TRAF6: variants seen among roughly 807,000 people sequenced by gnomAD.
TRAF6 encodes the protein TNF receptor associated factor 6, also known as TNF receptor-associated factor 6.
TRAF6 carries 10 observed loss-of-function variants against 48.4 expected under a neutral mutation model. The observed-to-expected ratio is 0.21, with a 90% CI of 0.13 to 0.35. The LOEUF is 0.35. Among genes scored for constraint, TRAF6 ranks in the 10% least tolerant of loss-of-function variants. The pLI is 1.00. For missense variants in TRAF6, 397 were observed against 661.0 expected (o/e 0.60, Z 4.38); for synonymous variants, 186 against 219.6 (o/e 0.85, Z 1.35).
At position 36,486,418 on chromosome 11, in the gene TRAF6, C is replaced by T. The variant is rs1859484648; in HGVS notation, c.*3420G>A. ...GTGTTAGTACATACAAGCAATTGTT[C>T]CTCTGTAAAAATAATGCATTCTAAC... On this transcript the variant is annotated 3_prime_UTR_variant, in exon 7 of 7. Coordinates refer to ENST00000526995, the MANE Select transcript of TRAF6 (RefSeq NM_004620.4). Among the ~76,000 whole-genome samples, 1 of 152,066 alleles carries T rather than the reference C, an allele frequency of 6.6e-6. No homozygotes were observed. The highest frequency in any genetic ancestry group is 6.6e-5 in the Admixed American group (1 of 15,266).
In TRAF6 at chr11:36,490,675, G is replaced by A; in HGVS notation, c.757-25C>T. 6.3e-7 allele frequency: 1 copy of A among 1,587,338 alleles called. No homozygotes were observed. The highest frequency in any genetic ancestry group is 8.6e-7 in the Non-Finnish European group (1 of 1,164,562). On this transcript the variant is annotated intron_variant, in intron 6 of 6. Transcript: ENST00000526995. This position sits in a 1 kb window ranked among gnomAD's most constrained non-coding sequence, Gnocchi z 6.4. ...TCTAAAAATCAAGCACAAGCCTTAG[G>A]CTGGGAATAGATACCGTGAGGAGTA...
intron 1 of TRAF6, among the ~76,000 whole-genome samples, chr11:36,504,964 C>T (rs1412920056): frequency 6.6e-6 from 1 of 152,164 alleles, no homozygotes; most frequent in Non-Finnish European, 1.5e-5. Flanking sequence ...CAGTTCTTGA[C>T]AGTGGGCTTA....
Position 36,501,426 on chromosome 11 carries a change from T to TA in TRAF6, c.89dup (p.Thr31AsnfsTer4). The TA allele has an allele frequency of 6.2e-7, 1 of 1,614,186 alleles. No homozygotes were observed. Among genetic ancestry groups the TA allele is most frequent in the Non-Finnish European group, 8.5e-7 (1 of 1,180,038 alleles). ...TTCCACCCACACTATCATCTTTTGT[T>TA]ACAGCGCTACAGGAGCTGGCCATGG... On this transcript the variant is annotated frameshift_variant, in exon 2 of 7. Transcript: ENST00000526995. LOFTEE classifies it high-confidence loss of function.
chr11:36,503,294 AG>A (rs1859741590), intron 1 of TRAF6, among the ~76,000 whole-genome samples: 1 of 149,062 alleles, frequency 6.7e-6, no homozygotes, highest in Non-Finnish European at 1.5e-5. Context: ...GGTTTACTTA[AG>A]TTTTTTTTTT....
chr11:36,508,585 C>T lies in TRAF6; in HGVS notation c.-23+1463G>A, dbSNP rs139544513. Among the ~76,000 whole-genome samples the T allele has an allele frequency of 6.3e-4, 96 of 152,140 alleles. 1 individual carries two copies. Among genetic ancestry groups the T allele is most frequent in the African/African-American group, 2.2e-3 (90 of 41,500 alleles). On this transcript the variant is annotated intron_variant, in intron 1 of 6. Coordinates refer to ENST00000526995, the MANE Select transcript of TRAF6 (RefSeq NM_004620.4). ...CTTAAATGAGTCAATTTTAAGTCAA[C>T]TGAAATTCATACGAGTAAACATGTA...
rs911542675 is a variant in TRAF6 at position 36,487,865 on chromosome 11, G to C, written c.*1973C>G. 6.6e-6 allele frequency: 1 copy of C among 152,048 alleles called. No individual in the cohort carries two copies. The highest frequency in any genetic ancestry group is 1.9e-4 in the East Asian group (1 of 5,190). The allele number at this position is 152,048 out of a possible 1,614,324, so 9.4% of individuals were successfully genotyped here. A position where few individuals can be genotyped will look rare whatever the true frequency, so the allele number is the denominator to read the frequency against. The stretch of plus-strand genomic sequence containing the variant: ...AAATATCATTTCCTTTTTTGAGCTG[G>C]GGGCGTGGAGATTAAATGTTTTGTG... On this transcript the variant is annotated 3_prime_UTR_variant, in exon 7 of 7. Coordinates refer to ENST00000526995, the MANE Select transcript of TRAF6 (RefSeq NM_004620.4).
rs990455363 is a variant in TRAF6 at position 36,489,072 on chromosome 11, A to G, written c.*766T>C. The G allele has an allele frequency of 2.0e-5, 3 of 152,298 alleles. No homozygotes were observed. The highest frequency in any genetic ancestry group is 1.9e-4 in the East Asian group (1 of 5,208). 9.4% of individuals were successfully genotyped at this position (152,298 alleles called of 1,614,324 possible). ...GAATAGACAAAAAGGGTTACATAGCATAACAATGAGCAGTTGGTATCCACG... is the reference window on the plus strand; with the variant it reads ...GAATAGACAAAAAGGGTTACATAGCGTAACAATGAGCAGTTGGTATCCACG... On this transcript the variant is annotated 3_prime_UTR_variant, in exon 7 of 7. Transcript: ENST00000526995.
At chr11:36,492,498 G>A in intron 6 of TRAF6, 53 bp downstream of exon 6, 6 of 1,368,380 alleles carry the variant, frequency 4.4e-6, no homozygotes, top group Non-Finnish European at 6.1e-6. Flanking sequence ...ACTACATGAT[G>A]TAAATATTTT....
chr11:36,497,831 G>A (rs1411199103), intron 3 of TRAF6, among the ~76,000 whole-genome samples: 1 of 151,354 alleles, frequency 6.6e-6, no homozygotes, highest in Non-Finnish European at 1.5e-5. Context: ...GGGAATTACT[G>A]CTTATTTCAA....
Position 36,489,455 on chromosome 11 carries a change from A to T in TRAF6, c.*383T>A. On this transcript the variant is annotated 3_prime_UTR_variant, in exon 7 of 7. Transcript: ENST00000526995. ...TAATATATTACATATAATACTACAA[A>T]AAGACTGAAGTTTTAAGGAAAATCC... 1 of 194,878 alleles carries T rather than the reference A, an allele frequency of 5.1e-6. No homozygotes were observed. The allele number at this position is 194,878 out of a possible 1,614,324, so 12.1% of individuals were successfully genotyped here.
rs889330426 is a variant in TRAF6, at chr11:36,487,502, G to A, written c.*2336C>T. The A allele has an allele frequency of 6.6e-6, 1 of 152,340 alleles. No homozygotes were observed. Among genetic ancestry groups the A allele is most frequent in the East Asian group, 1.9e-4 (1 of 5,190 alleles). The allele number at this position is 152,340 out of a possible 1,614,324, so 9.4% of individuals were successfully genotyped here. A position where few individuals can be genotyped will look rare whatever the true frequency, so the allele number is the denominator to read the frequency against. On this transcript the variant is annotated 3_prime_UTR_variant, in exon 7 of 7. Coordinates refer to ENST00000526995, the MANE Select transcript of TRAF6 (RefSeq NM_004620.4). Reference sequence around the variant, plus strand: ...TACTTAAGATGTGACCCAGCTGATAGACACTAAATTAGAGGAAAGTATCAG... The same window carrying A: ...TACTTAAGATGTGACCCAGCTGATAAACACTAAATTAGAGGAAAGTATCAG...
intron 2 of TRAF6, 44 bp from the exon 3 acceptor site, chr11:36,498,684 T>G: frequency 6.5e-7 from 1 of 1,545,184 alleles, no homozygotes; most frequent in Non-Finnish European, 8.7e-7. Flanking sequence ...AAGACTCACA[T>G]TAGAAAATCC....
Position 36,490,563 on chromosome 11 carries a change from C to T in TRAF6, c.844G>A (p.Val282Ile), listed in dbSNP as rs376933557. 3.2e-5 allele frequency: 52 copies of T among 1,613,978 alleles called. No homozygotes were observed. The highest frequency in any genetic ancestry group is 8.8e-5 in the South Asian group (8 of 91,088). ...GAGATATACCCAGAGTCGGGTATAACGCTCAAACTATGAACAGCCTGGGCC... is the reference window on the plus strand; with the variant it reads ...GAGATATACCCAGAGTCGGGTATAATGCTCAAACTATGAACAGCCTGGGCC... Reference protein sequence around the residue: ...MLAQAVHSLSVIPDSGYISEV... With the variant: ...MLAQAVHSLSIIPDSGYISEV... The change falls in exon 7 of 7, where the codon GTT becomes ATT. Residue 282 changes from valine to isoleucine, a missense_variant. Coordinates refer to ENST00000526995, the MANE Select transcript of TRAF6 (RefSeq NM_004620.4). The surrounding 1 kb of genome is among the most constrained non-coding windows in gnomAD (Gnocchi z 6.4).
Position 36,495,358 on chromosome 11 carries a change from G to A in TRAF6, c.607-311C>T, listed in dbSNP as rs551387279. ...TCTACTTTGGACATCATCTGCCGAG[G>A]CTATACTTCTCCAAAGGTAATCTTA... On this transcript the variant is annotated intron_variant, in intron 4 of 6. Coordinates refer to ENST00000526995, the MANE Select transcript of TRAF6 (RefSeq NM_004620.4). 9.9e-5 allele frequency among the ~76,000 whole-genome samples: 15 copies of A among 152,268 alleles called. No individual in the cohort carries two copies. The East Asian group carries it at 2.9e-3, about 29-fold the overall frequency.
At chr11:36,504,516 C>G (rs1859760350) in intron 1 of TRAF6, among the ~76,000 whole-genome samples, 1 of 152,186 alleles carries the variant, frequency 6.6e-6, no homozygotes, top group South Asian at 2.1e-4. Flanking sequence ...AATTCTAGTT[C>G]TCTTGCTATT....
At chr11:36,500,389 A>G (rs1223021668) in intron 2 of TRAF6, among the ~76,000 whole-genome samples, 1 of 152,198 alleles carries the variant, frequency 6.6e-6, no homozygotes, top group Non-Finnish European at 1.5e-5. Flanking sequence ...CCAAGGCAGG[A>G]GCATGCCTGA....
intron 1 of TRAF6, 74 bp downstream of exon 1, chr11:36,509,974 G>A (rs1859884337): frequency 6.6e-6 from 1 of 152,398 alleles, no homozygotes; most frequent in Non-Finnish European, 1.5e-5. Context: ...GAGCGAAGGG[G>A]CGGGGGGCGG....
intron 1 of TRAF6, among the ~76,000 whole-genome samples, chr11:36,509,400 G>A (rs1208098774): frequency 6.6e-6 from 1 of 151,546 alleles, no homozygotes; most frequent in Non-Finnish European, 1.5e-5. Context: ...AGGGGCGGGG[G>A]AGAAAACATT....
intron 2 of TRAF6, among the ~76,000 whole-genome samples, chr11:36,500,746 T>C (rs1317333075): frequency 6.6e-6 from 1 of 152,122 alleles, no homozygotes. Context: ...CTTCAGTTAA[T>C]ACTTTCTTTA....
Sources: allele counts gnomAD v4.1 joint callset (sites outside exome capture counted in the v4.1 genomes callset), GRCh38; gene constraint gnomAD v4.1.1; non-coding constraint Gnocchi (gnomAD v3.1); transcripts MANE v1.5; gene names NCBI Gene and HGNC (gene_info 2026-07-23, HGNC 2026-07-21).